TRPM5: variants seen among roughly 807,000 people sequenced by gnomAD.
TRPM5 encodes the protein MLSN1 and TRP-related.
A neutral mutation model predicts 124.9 loss-of-function variants in TRPM5; 121 were observed. The observed-to-expected ratio is 0.97, with a 90% confidence interval of 0.84 to 1.13. The LOEUF (loss-of-function observed/expected upper bound fraction) is 1.13. TRPM5 is among the 50% of genes most tolerant of loss of function. The pLI, the probability that TRPM5 is intolerant of heterozygous loss-of-function variation, is 0.00. For missense variants in TRPM5, 1,643 were observed against 1,589.1 expected, an observed-to-expected ratio of 1.03 and a Z score of -0.58; for synonymous variants, 781 against 700.5, an observed-to-expected ratio of 1.11 and a Z score of -1.81.
chr11:2,433,362 A>G, the TRPM5 span, among the ~76,000 whole-genome samples: 1 of 152,246 alleles, frequency 6.6e-6, no homozygotes, highest in Non-Finnish European at 1.5e-5. Flanking sequence ...AGGAAGGTGT[A>G]GCCTTCTTAG....
chr11:2,414,727 G>A (rs767154157), exon 11 of TRPM5: 22 of 1,540,754 alleles, frequency 1.4e-5, no homozygotes, highest in South Asian at 1.3e-4. Context: ...AGGGCCAGCC[G>A]CTCGTATTTC....
chr11:2,436,888 C>T, the TRPM5 span, among the ~76,000 whole-genome samples: 22 of 152,356 alleles, frequency 1.4e-4, no homozygotes, highest in East Asian at 3.7e-3. Flanking sequence ...TCAAAGTGAA[C>T]GCAGCCAGAA....
chr11:2,421,325 T>A, intron 2 of TRPM5, 127 bp from the exon 8 acceptor site: 1 of 1,202,186 alleles, frequency 8.3e-7, no homozygotes, highest in Admixed American at 3.3e-5. Flanking sequence ...TGCTGGGGAA[T>A]GCCTCACGGT....
intron 12 of TRPM5, 52 bp downstream of exon 17, chr11:2,414,009 G>GGGCGGCCCCCCCCCCCCCCCCC: frequency 3.9e-6 from 4 of 1,023,734 alleles, no homozygotes; most frequent in Admixed American, 2.2e-5. Flanking sequence ...GGCCCAGCTC[G>GGGCGGCCCCCCCCCCCCCCCCC]CCCGCCCACC....
intron 7 of TRPM5, among the ~76,000 whole-genome samples, chr11:2,416,557 T>C (rs1392507347): frequency 6.6e-6 from 1 of 152,176 alleles, no homozygotes; most frequent in Non-Finnish European, 1.5e-5. Context: ...CCCGTAAGAC[T>C]ACGGTGCCTC....
intron 6 of TRPM5, 96 bp downstream of exon 11, chr11:2,418,071 G>A (rs1845711349): frequency 1.7e-6 from 2 of 1,188,956 alleles, no homozygotes; most frequent in Non-Finnish European, 2.4e-6. Context: ...GAGGTGGGAG[G>A]AGTGGGCTGG....
intron 2 of TRPM5, 112 bp from the exon 8 acceptor site, chr11:2,421,310 G>A (rs937248239): frequency 5.2e-6 from 7 of 1,346,164 alleles, no homozygotes; most frequent in Non-Finnish European, 5.9e-6. Flanking sequence ...GGAGCCAGGG[G>A]TGGGTGCTGG....
chr11:2,411,934 C>T (rs1850461664), intron 16 of TRPM5, among the ~76,000 whole-genome samples, 167 bp from the exon 22 acceptor site: 1 of 152,132 alleles, frequency 6.6e-6, no homozygotes, highest in Admixed American at 6.5e-5. Context: ...CAGGGTCTTG[C>T]TCTGTCACTC....
Position 2,414,731 on chromosome 11 carries a change from G to A in TRPM5, c.1728C>T (p.Tyr576=), listed in dbSNP as rs1038080529. The A allele has an allele frequency of 3.8e-5, 59 of 1,541,990 alleles. No homozygotes were observed. Among genetic ancestry groups the A allele is most frequent in the Admixed American group, 2.4e-4 (12 of 50,660 alleles). The change falls in exon 11 of 24, where the codon TAC becomes TAT. Residue 576 remains tyrosine, a synonymous_variant. Transcript: ENST00000155858. Reference sequence around the variant, plus strand: ...GTCACTCACCAAGGGCCAGCCGCTCGTATTTCGCCTCGCGCGTGGCTCGGG... The same window carrying A: ...GTCACTCACCAAGGGCCAGCCGCTCATATTTCGCCTCGCGCGTGGCTCGGG...
At chr11:2,421,791 G>A (rs762066314) in intron 2 of TRPM5, among the ~76,000 whole-genome samples, 1 of 152,202 alleles carries the variant, frequency 6.6e-6, no homozygotes, top group Non-Finnish European at 1.5e-5. Flanking sequence ...AGTGGGAGCA[G>A]GGACATCTCA....
intron 22 of TRPM5, 43 bp from the exon 28 acceptor site, chr11:2,405,636 A>C: frequency 1.6e-5 from 25 of 1,544,602 alleles, no homozygotes; most frequent in Non-Finnish European, 1.9e-5. Flanking sequence ...GGGCTCTCTC[A>C]GGACAGCAGG....
chr11:2,425,323 C>T (rs568750599), upstream of TRPM5, among the ~76,000 whole-genome samples: 5 of 152,312 alleles, frequency 3.3e-5, no homozygotes, highest in East Asian at 7.7e-4. Flanking sequence ...CCCACCCTTT[C>T]CAGGTTCCTG....
At chr11:2,428,488 A>G in the TRPM5 span, among the ~76,000 whole-genome samples, 2 of 148,858 alleles carry the variant, frequency 1.3e-5, no homozygotes, top group South Asian at 4.7e-4. The surrounding 1 kb of genome is among the most constrained non-coding windows in gnomAD (Gnocchi z 4.0). Flanking sequence ...GGTGGTGGTG[A>G]TGATGATATT....
Position 2,418,326 on chromosome 11 carries a change from CG to C in TRPM5, c.746del (p.Pro249ArgfsTer3). On this transcript the variant is annotated frameshift_variant, in exon 6 of 24. Coordinates refer to ENST00000155858, the Ensembl canonical transcript of TRPM5. LOFTEE classifies it high-confidence loss of function. ...CCCCCGAGCCTACCAGGATCAGCCA[CG>C]GGGCAGCCTGCTCCACGGCCCTGGA... The C allele has an allele frequency of 6.4e-7, 1 of 1,565,108 alleles. No individual in the cohort carries two copies. The highest frequency in any genetic ancestry group is 8.7e-7 in the Non-Finnish European group (1 of 1,154,794).
At chr11:2,420,930 GCTCGAGTCCTGTC>G (rs1845763801) in intron 3 of TRPM5, 89 bp downstream of exon 8, 6 of 1,305,668 alleles carry the variant, frequency 4.6e-6, no homozygotes, top group Non-Finnish European at 6.1e-6. Flanking sequence ...TCTTCCTCCA[GCTCGAGTCCTGTC>G]CTCCCAGAGC....
chr11:2,421,322 G>T, intron 2 of TRPM5, 124 bp from the exon 8 acceptor site: 1 of 1,247,280 alleles, frequency 8.0e-7, no homozygotes, highest in Non-Finnish European at 1.1e-6. Flanking sequence ...GGGTGCTGGG[G>T]AATGCCTCAC....
chr11:2,408,523 G>A (rs1227021835), intron 18 of TRPM5, among the ~76,000 whole-genome samples: 9 of 152,244 alleles, frequency 5.9e-5, no homozygotes, highest in Admixed American at 5.2e-4. Flanking sequence ...GGCCACTCAA[G>A]TCAAGAACAT....
At chr11:2,421,424 T>C (rs1044028800) in intron 2 of TRPM5, among the ~76,000 whole-genome samples, 7 of 152,286 alleles carry the variant, frequency 4.6e-5, no homozygotes, top group Non-Finnish European at 1.0e-4. Flanking sequence ...ACCTGTGAAG[T>C]GGCACCCCCA....
chr11:2,411,496 G>A (rs369252973), exon 18 of TRPM5: 6 of 1,610,062 alleles, frequency 3.7e-6, no homozygotes, highest in East Asian at 2.2e-5. Flanking sequence ...CACACGCTCA[G>A]AAAGAAGAGG....
Sources: allele counts gnomAD v4.1 joint callset (sites outside exome capture counted in the v4.1 genomes callset), GRCh38; gene constraint gnomAD v4.1.1; non-coding constraint Gnocchi (gnomAD v3.1); transcripts MANE v1.5; gene names NCBI Gene and HGNC (gene_info 2026-07-23, HGNC 2026-07-21).